Variants in CCDC88A observed in about 807,000 individuals in gnomAD.
The protein encoded by CCDC88A is coiled-coil and HOOK domain protein 88A.
A neutral mutation model predicts 234.3 loss-of-function variants in CCDC88A; 54 were observed. That is an observed-to-expected ratio of 0.23 (90% CI 0.19 to 0.29). CCDC88A has a LOEUF of 0.29. CCDC88A is among the 10% of genes least tolerant of loss of function. CCDC88A has a pLI of 1.00. For missense variants in CCDC88A, 1,832 were observed against 2,123.4 expected (o/e 0.86, Z 2.70); for synonymous variants, 753 against 737.8 (o/e 1.02, Z -0.33).
chr2:55,375,134 A>G (rs1371992068), intron 3 of CCDC88A, among the ~76,000 whole-genome samples: 1 of 152,046 alleles, frequency 6.6e-6, no homozygotes, highest in Non-Finnish European at 1.5e-5. Context: ...CTGTAATCCT[A>G]GCACTTTGGA....
intron 3 of CCDC88A, among the ~76,000 whole-genome samples, chr2:55,384,995 A>G (rs1675355051): frequency 1.3e-5 from 2 of 152,120 alleles, no homozygotes; most frequent in African/African-American, 4.8e-5. Context: ...GGTTGGTTGC[A>G]CAACAAGCAA....
intron 2 of CCDC88A, chr2:55,399,800 A>C (rs1003827725): frequency 2.0e-5 from 3 of 152,200 alleles, no homozygotes; most frequent in African/African-American, 7.2e-5. Context: ...ATTCAGAGTC[A>C]TAAGACATTT....
intron 25 of CCDC88A, chr2:55,308,421 T>C (rs1681911906): frequency 6.1e-6 from 1 of 162,766 alleles, no homozygotes; most frequent in African/African-American, 2.4e-5. Flanking sequence ...GAATGCCTTA[T>C]TATTCTGATT....
rs185945638 is a variant in CCDC88A at position 55,371,829 on chromosome 2, G to A, written c.402+623C>T. Among the ~76,000 whole-genome samples the A allele has an allele frequency of 2.5e-4, 38 of 152,128 alleles. No individual in the cohort carries two copies. The East Asian group carries it at 3.7e-3, about 15-fold the overall frequency. On this transcript the variant is annotated intron_variant, in intron 5 of 32. Transcript: ENST00000436346. ...AGTACCTTCTTTGACTTTCGCAAGT[G>A]TCCCAATTTCGATAAAAACTTAAAT...
Position 55,290,450 on chromosome 2 carries a change from A to G in CCDC88A, c.*750T>C, listed in dbSNP as rs146721738. On this transcript the variant is annotated 3_prime_UTR_variant, in exon 33 of 33. Transcript: ENST00000436346. ...TGCTGAAAAACCATCTTACTAAAAA[A>G]AAGTTTCAGAAAAACACTCTTTACC... The G allele has an allele frequency of 3.5e-4, 53 of 152,224 alleles. No homozygotes were observed. In the East Asian group the frequency reaches 0.01, roughly 29 times the overall value. The allele number at this position is 152,224 out of a possible 1,614,324, so 9.4% of individuals were successfully genotyped here.
In CCDC88A at chr2:55,326,892, C is replaced by G. The variant is rs190490771; in HGVS notation, c.2997+1402G>C. Among the ~76,000 whole-genome samples the G allele has an allele frequency of 2.6e-5, 4 of 152,276 alleles. No individual in the cohort carries two copies. In the East Asian group the frequency reaches 7.7e-4, roughly 29 times the overall value. ...AGCCTAATGATGGCATTTTAAATAT[C>G]TACTTGAAACACACGTATGCAACTC... On this transcript the variant is annotated intron_variant, in intron 17 of 32. Coordinates refer to ENST00000436346, the MANE Select transcript of CCDC88A (RefSeq NM_001365480.1).
intron 2 of CCDC88A, among the ~76,000 whole-genome samples, chr2:55,395,178 A>C (rs552669216): frequency 1.3e-5 from 2 of 152,118 alleles, no homozygotes; most frequent in Admixed American, 1.3e-4. Flanking sequence ...ATCTCTCACT[A>C]TGTTGCTCAG....
chr2:55,397,017 C>T (rs1574456216), intron 2 of CCDC88A, among the ~76,000 whole-genome samples: 1 of 151,356 alleles, frequency 6.6e-6, no homozygotes. Context: ...GATTAATTTC[C>T]TTCCCTCCTC....
At chr2:55,355,553 A>G in intron 8 of CCDC88A, 26 bp downstream of exon 8, 1 of 1,606,444 alleles carries the variant, frequency 6.2e-7, no homozygotes, top group Non-Finnish European at 8.5e-7. Context: ...TATAAATTCA[A>G]TGAACCTCAA....
chr2:55,344,022 A>T (rs138260113), intron 11 of CCDC88A: 8 of 413,418 alleles, frequency 1.9e-5, no homozygotes, highest in African/African-American at 1.6e-4. Flanking sequence ...ATTCTTCTTC[A>T]TAGTCAACAT....
intron 7 of CCDC88A, chr2:55,356,507 G>A (rs1670601800): frequency 7.1e-6 from 1 of 141,802 alleles, no homozygotes; most frequent in African/African-American, 3.1e-5. Flanking sequence ...AGCCAGTGTT[G>A]GAAAGGCATA....
At chr2:55,392,269 C>T (rs929354228) in intron 2 of CCDC88A, among the ~76,000 whole-genome samples, 1 of 152,162 alleles carries the variant, frequency 6.6e-6, no homozygotes, top group African/African-American at 2.4e-5. Context: ...TAGGGCAAGA[C>T]GCCCTGACTA....
In CCDC88A at chr2:55,344,406, T is replaced by C; in HGVS notation, c.1150A>G (p.Asn384Asp). 6.3e-7 allele frequency: 1 copy of C among 1,593,742 alleles called. No homozygotes were observed. The highest frequency in any genetic ancestry group is 1.3e-5 in the African/African-American group (1 of 74,422). The change falls in exon 11 of 33, where the codon AAC becomes GAC. Residue 384 changes from asparagine to aspartate, a missense_variant. Around this residue, in one of 6 missense-constraint regions of CCDC88A, gnomAD observed 1,282 missense variants for 1,543.6 expected, o/e 0.83. Transcript: ENST00000436346. ...TGAAGTTTAGCTTTCAGTTGTAAGT[T>C]CTCTTTTTCTAATTCATGTAATTTA... ...SDKLHELEKE[N>D]LQLKAKLHDM...
At chr2:55,297,364 T>TATAATAAATATATA (rs1302807058) in intron 29 of CCDC88A, among the ~76,000 whole-genome samples, 3 of 100,390 alleles carry the variant, frequency 3.0e-5, no homozygotes, top group Admixed American at 1.5e-4. Context: ...TAAATATATA[T>TATAATAAATATATA]AATATATATT....
chr2:55,375,513 GTATGTATGTA>G (rs1673528802), intron 3 of CCDC88A, among the ~76,000 whole-genome samples: 1 of 11,954 alleles, frequency 8.4e-5, no homozygotes, highest in Non-Finnish European at 2.1e-4. Flanking sequence ...ATATATATAT[GTATGTATGTA>G]TAAATATGTT....
chr2:55,325,312 T>C (rs1344363399), intron 17 of CCDC88A, among the ~76,000 whole-genome samples: 1 of 152,232 alleles, frequency 6.6e-6, no homozygotes, highest in Non-Finnish European at 1.5e-5. Context: ...TAAATGGTGT[T>C]TTTTAATTTC....
chr2:55,372,228 A>C (rs1214435036), intron 5 of CCDC88A, among the ~76,000 whole-genome samples: 1 of 152,190 alleles, frequency 6.6e-6, no homozygotes, highest in African/African-American at 2.4e-5. Flanking sequence ...AGAGTAATTA[A>C]ATATTTTAAA....
chr2:55,343,598 T>C, intron 12 of CCDC88A, 50 bp downstream of exon 12: 1 of 1,442,484 alleles, frequency 6.9e-7, no homozygotes, highest in Non-Finnish European at 9.5e-7. Context: ...TAAACATAAA[T>C]ACAACTTCAT....
intron 5 of CCDC88A, among the ~76,000 whole-genome samples, chr2:55,368,887 T>C (rs1672398251): frequency 6.6e-6 from 1 of 152,252 alleles, no homozygotes; most frequent in Admixed American, 6.5e-5. Flanking sequence ...ATTGGTTTCC[T>C]CAATAGCTTC....
Sources: gnomAD v4.1 joint callset for allele counts (sites outside exome capture counted in the v4.1 genomes callset) on GRCh38, gnomAD v4.1.1 for gene constraint, gnomAD v4.1.1 regional missense constraint, MANE v1.5 for transcripts, NCBI Gene and HGNC (gene_info 2026-07-23, HGNC 2026-07-21) for gene names.